RAPGEF1: variants seen among roughly 807,000 people sequenced by gnomAD.
RAPGEF1 encodes Rap guanine nucleotide exchange factor 1, also known as CRK SH3-binding GNRP.
In RAPGEF1, 33 loss-of-function variants were observed where a neutral mutation model predicts 143.3. That is an observed-to-expected ratio of 0.23 (90% CI 0.17 to 0.31). The LOEUF (loss-of-function observed/expected upper bound fraction) is 0.31. Among genes scored for constraint, RAPGEF1 ranks in the 10% least tolerant of loss-of-function variants. RAPGEF1 has a pLI of 1.00. For synonymous variants in RAPGEF1, 629 were observed against 676.5 expected, an observed-to-expected ratio of 0.93 and a Z score of 1.09; for missense variants, 1,199 against 1,645.4, an observed-to-expected ratio of 0.73 and a Z score of 4.69.
intron 3 of RAPGEF1, among the ~76,000 whole-genome samples, chr9:131,649,447 C>T (rs185121324): frequency 7.2e-5 from 11 of 152,214 alleles, no homozygotes; most frequent in East Asian, 5.8e-4. Context: ...CGTAGCATCT[C>T]GACAATTCAG....
chr9:131,614,407 C>T (rs1958570852), intron 12 of RAPGEF1, among the ~76,000 whole-genome samples: 1 of 152,254 alleles, frequency 6.6e-6, no homozygotes, highest in South Asian at 2.1e-4. Flanking sequence ...CTCCTCTCCT[C>T]CCTTCTTCTC....
Position 131,584,593 on chromosome 9 carries a change from G to C in RAPGEF1, c.3237C>G (p.Val1079=). 1 of 1,613,892 alleles carries C rather than the reference G, an allele frequency of 6.2e-7. No individual in the cohort carries two copies. Among genetic ancestry groups the C allele is most frequent in the Non-Finnish European group, 8.5e-7 (1 of 1,179,838 alleles). Residue 1079 remains valine (V), a synonymous_variant, in exon 23 of 27, where the codon GTC becomes GTG. Coordinates refer to ENST00000683357, the MANE Select transcript of RAPGEF1 (RefSeq NM_001377935.1). The surrounding 1 kb of genome is among the most constrained non-coding windows in gnomAD (Gnocchi z 6.8). The part of the protein sequence containing the change: ...TEHFNNMSYW[V]RSIIMLQEKA... The stretch of plus-strand genomic sequence containing the variant: ...TTTCCTGTAACATGATTATGGACCG[G>C]ACCCTGCATGGACCAAGGGAAAAAG...
chr9:131,586,860 ACAC>A (rs1366523646), intron 22 of RAPGEF1, among the ~76,000 whole-genome samples: 4 of 117,622 alleles, frequency 3.4e-5, no homozygotes, highest in Non-Finnish European at 6.9e-5. Flanking sequence ...ACACACACAC[ACAC>A]ACCTGCAGAG....
chr9:131,647,571 C>T (rs931865806), intron 3 of RAPGEF1, among the ~76,000 whole-genome samples: 11 of 152,140 alleles, frequency 7.2e-5, no homozygotes, highest in Non-Finnish European at 1.5e-4. Context: ...GAATAATCAA[C>T]GAGGGCAGCA....
At chr9:131,676,754 T>C (rs1023299440) in intron 1 of RAPGEF1, among the ~76,000 whole-genome samples, 1 of 152,238 alleles carries the variant, frequency 6.6e-6, no homozygotes, top group African/African-American at 2.4e-5. Context: ...CTAATTGGTT[T>C]TGTCAATTAG....
chr9:131,601,472 C>T (rs1489569759), intron 15 of RAPGEF1, among the ~76,000 whole-genome samples: 2 of 152,314 alleles, frequency 1.3e-5, no homozygotes, highest in South Asian at 2.1e-4. Context: ...AATATAGGTG[C>T]AAACAATCAA....
chr9:131,739,334 A>G (rs117648991), intron 1 of RAPGEF1, among the ~76,000 whole-genome samples: 2,402 of 152,300 alleles, frequency 0.016, 91 homozygotes, highest in Admixed American at 0.078. Context: ...GCTTCTCGTT[A>G]AACTCGAAGC....
chr9:131,736,102 C>T (rs2131363817), intron 1 of RAPGEF1, among the ~76,000 whole-genome samples: 1 of 152,274 alleles, frequency 6.6e-6, no homozygotes, highest in Non-Finnish European at 1.5e-5. Flanking sequence ...TTCATTTGTT[C>T]TCCAAAGCAG....
intron 1 of RAPGEF1, among the ~76,000 whole-genome samples, chr9:131,723,382 C>G (rs1836411676): frequency 6.6e-6 from 1 of 152,164 alleles, no homozygotes; most frequent in Non-Finnish European, 1.5e-5. Context: ...TCATCACCAG[C>G]AGCCATCTCC....
chr9:131,672,398 T>C (rs374602929), intron 1 of RAPGEF1, among the ~76,000 whole-genome samples: 4 of 152,262 alleles, frequency 2.6e-5, no homozygotes, highest in African/African-American at 9.6e-5. Context: ...GGGCATCAGA[T>C]GACGGCATCA....
chr9:131,727,812 G>T (rs910423550), intron 1 of RAPGEF1, among the ~76,000 whole-genome samples: 2 of 151,934 alleles, frequency 1.3e-5, no homozygotes, highest in African/African-American at 4.8e-5. Context: ...CTCATGAACA[G>T]AAAAAAAACA....
rs1044366978 is a variant in RAPGEF1, at chr9:131,659,931, G to A, written c.62-8982C>T. Among the ~76,000 whole-genome samples, 8 of 152,156 alleles carry A rather than the reference G, an allele frequency of 5.3e-5. No homozygotes were observed. The South Asian group carries it at 1.5e-3, about 28-fold the overall frequency. On this transcript the variant is annotated intron_variant, in intron 1 of 26. Transcript: ENST00000683357. ...CCTCCTGGGTTCACGCCATTCTCCT[G>A]CCTCAGCCTCCTGAGTAGCTGGAAC...
intron 18 of RAPGEF1, among the ~76,000 whole-genome samples, chr9:131,591,645 CCT>C (rs1348758483): frequency 6.6e-6 from 1 of 152,154 alleles, no homozygotes; most frequent in Non-Finnish European, 1.5e-5. Flanking sequence ...TGTGCTGACC[CCT>C]GAGCTGTCTA....
chr9:131,610,149 G>A (rs986584750), intron 12 of RAPGEF1, among the ~76,000 whole-genome samples: 1 of 152,212 alleles, frequency 6.6e-6, no homozygotes, highest in Non-Finnish European at 1.5e-5. Flanking sequence ...TCCTACCTCA[G>A]CCTCCCAAAG....
At position 131,592,203 on chromosome 9, in the gene RAPGEF1, C is replaced by T. The variant is rs1456962186; in HGVS notation, c.2690-20G>A. 6.4e-7 allele frequency: 1 copy of T among 1,568,458 alleles called. No individual in the cohort carries two copies. Among genetic ancestry groups the T allele is most frequent in the Admixed American group, 1.7e-5 (1 of 59,802 alleles). On this transcript the variant is annotated intron_variant, in intron 17 of 26. Transcript: ENST00000683357. Reference sequence around the variant, plus strand: ...CCAAATCTAGAGGGAAAAAACAATGCAAACTGCTTGTCTGGGTGCAGAGTG... The same window carrying T: ...CCAAATCTAGAGGGAAAAAACAATGTAAACTGCTTGTCTGGGTGCAGAGTG...
intron 1 of RAPGEF1, among the ~76,000 whole-genome samples, chr9:131,684,013 A>C (rs892151511): frequency 7.9e-5 from 12 of 152,364 alleles, no homozygotes; most frequent in Admixed American, 3.3e-4. Flanking sequence ...GTTGCTAATG[A>C]AATATCTAAT....
chr9:131,725,404 T>C (rs1334725894), intron 1 of RAPGEF1: 2 of 152,302 alleles, frequency 1.3e-5, no homozygotes, highest in East Asian at 3.8e-4. Flanking sequence ...GCAATCCCCC[T>C]GCTTCAGTCC....
chr9:131,674,689 T>G (rs926606854), intron 1 of RAPGEF1, among the ~76,000 whole-genome samples: 4 of 152,248 alleles, frequency 2.6e-5, no homozygotes, highest in Admixed American at 6.5e-5. Flanking sequence ...ACAGCCCACC[T>G]GCTCCAGTTC....
chr9:131,585,545 T>C (rs1398849805), intron 22 of RAPGEF1, among the ~76,000 whole-genome samples: 1 of 152,244 alleles, frequency 6.6e-6, no homozygotes, highest in Non-Finnish European at 1.5e-5. Context: ...GAGGCTGGTG[T>C]CAGAAGCCAG....
Sources: allele counts gnomAD v4.1 joint callset (sites outside exome capture counted in the v4.1 genomes callset), GRCh38; gene constraint gnomAD v4.1.1; non-coding constraint Gnocchi (gnomAD v3.1); transcripts MANE v1.5; gene names NCBI Gene and HGNC (gene_info 2026-07-23, HGNC 2026-07-21).